The following SLC26A3 variants were observed in gnomAD, a reference collection of about 807,000 sequenced individuals.
SLC26A3 encodes chloride anion exchanger.
A neutral mutation model predicts 85.6 loss-of-function variants in SLC26A3; 64 were observed. The observed-to-expected ratio is 0.75, with a 90% CI of 0.61 to 0.92. SLC26A3 has a LOEUF of 0.92. Ranked by LOEUF, SLC26A3 falls within the 40% of genes least tolerant of loss-of-function variation. SLC26A3 has a pLI of 0.00. For synonymous variants in SLC26A3, 349 were observed against 336.0 expected (o/e 1.04, Z -0.42); for missense variants, 922 against 927.3 (o/e 0.99, Z 0.07).
intron 13 of SLC26A3, among the ~76,000 whole-genome samples, chr7:107,777,169 G>A (rs112457369): frequency 6.6e-6 from 1 of 152,196 alleles, no homozygotes; most frequent in Non-Finnish European, 1.5e-5. Flanking sequence ...CCATCAGTCA[G>A]GGATTGACTT....
In SLC26A3 at chr7:107,774,065, T is replaced by C; in HGVS notation, c.1862A>G (p.Asn621Ser). The part of the protein sequence containing the change: ...NQIEVLDQPI[N>S]TTDLPFHIDW... ...AATGTGGAAAGGCAGGTCTGTGGTA[T>C]TGATTGGCTGGTCCAGTACTTCTAT... Residue 621 changes from asparagine to serine, a missense_variant, in exon 17 of 21, where the codon AAT becomes AGT. By Grantham distance (46) the Asn-to-Ser change is conservative. Transcript: ENST00000340010. 1 of 1,614,180 alleles carries C rather than the reference T, an allele frequency of 6.2e-7. No individual in the cohort carries two copies. The highest frequency in any genetic ancestry group is 8.5e-7 in the Non-Finnish European group (1 of 1,180,026).
In SLC26A3 at chr7:107,765,651, A is replaced by T; in HGVS notation, c.*204T>A. ...AATTTTCACCCTTTGATAAAGCTAC[A>T]AGATATAAAATTTAGAATACTTATA... On this transcript the variant is annotated 3_prime_UTR_variant, in exon 21 of 21. Coordinates refer to ENST00000340010, the MANE Select transcript of SLC26A3 (RefSeq NM_000111.3). 1 of 525,840 alleles carries T rather than the reference A, an allele frequency of 1.9e-6. No individual in the cohort carries two copies. Among genetic ancestry groups the T allele is most frequent in the Non-Finnish European group, 3.4e-6 (1 of 295,674 alleles). The allele number at this position is 525,840 out of a possible 1,614,324, so 32.6% of individuals were successfully genotyped here.
intron 5 of SLC26A3, among the ~76,000 whole-genome samples, chr7:107,790,082 T>C (rs1373011569): frequency 6.6e-6 from 1 of 152,250 alleles, no homozygotes; most frequent in African/African-American, 2.4e-5. Flanking sequence ...ACTTTCTAGC[T>C]GCTGGAGCAC....
At chr7:107,787,942 G>A (rs575284397) in intron 6 of SLC26A3, among the ~76,000 whole-genome samples, 6 of 152,070 alleles carry the variant, frequency 3.9e-5, no homozygotes, top group Non-Finnish European at 7.4e-5. Flanking sequence ...GGCCCTCTTG[G>A]GGGGTTTACA....
At chr7:107,791,625 A>AAAATAAAT (rs3076033) in intron 4 of SLC26A3, among the ~76,000 whole-genome samples, 8 of 149,460 alleles carry the variant, frequency 5.4e-5, no homozygotes, top group African/African-American at 7.4e-5. Flanking sequence ...AAAATAAATA[A>AAAATAAAT]AAATAAATAA....
Position 107,791,830 on chromosome 7 carries a change from C to A in SLC26A3, c.382G>T (p.Gly128Cys). 6.3e-7 allele frequency: 1 copy of A among 1,590,744 alleles called. No individual in the cohort carries two copies. Among genetic ancestry groups the A allele is most frequent in the Non-Finnish European group, 8.6e-7 (1 of 1,159,018 alleles). Reference protein sequence around the residue: ...FFGTSRHISVGPFPILSMMVG... With the variant: ...FFGTSRHISVCPFPILSMMVG... ...TTAATCAGCTCAGTAACTGACTTAC[C>A]CACGGATATGTGTCTGGAAGTGCCG... Residue 128 changes from glycine (G) to cysteine (C), a missense_variant and splice_region_variant, in exon 4 of 21, where the codon GGT becomes TGT. Transcript: ENST00000340010.
intron 16 of SLC26A3, 23 bp from the exon 17 acceptor site, chr7:107,774,176 T>C (rs1273681183): frequency 6.4e-7 from 1 of 1,553,270 alleles, no homozygotes; most frequent in Admixed American, 1.7e-5. Context: ...ATAACAAGTA[T>C]GAAAACTGTG....
intron 20 of SLC26A3, among the ~76,000 whole-genome samples, chr7:107,767,092 A>G (rs762667397): frequency 3.9e-5 from 6 of 152,144 alleles, no homozygotes; most frequent in Non-Finnish European, 8.8e-5. Flanking sequence ...TCTCCAGTTA[A>G]ATGCTGAATT....
intron 18 of SLC26A3, among the ~76,000 whole-genome samples, chr7:107,769,364 C>T (rs1039690243): frequency 6.6e-5 from 10 of 151,796 alleles, no homozygotes; most frequent in African/African-American, 2.4e-4. Context: ...AAATGTGGTA[C>T]ATATACACCG....
chr7:107,773,555 T>G (rs530721879), intron 17 of SLC26A3, among the ~76,000 whole-genome samples: 1 of 152,034 alleles, frequency 6.6e-6, no homozygotes, highest in African/African-American at 2.4e-5. Flanking sequence ...ACAAATACAG[T>G]TTTTTTTGTT....
intron 1 of SLC26A3, among the ~76,000 whole-genome samples, chr7:107,801,122 G>C (rs1794592673): frequency 6.6e-6 from 1 of 152,182 alleles, no homozygotes; most frequent in South Asian, 2.1e-4. Flanking sequence ...ACTGTGGATG[G>C]AGGCAGACAA....
chr7:107,802,091 CAGA>C (rs1794609733), intron 1 of SLC26A3, among the ~76,000 whole-genome samples: 1 of 103,336 alleles, frequency 9.7e-6, no homozygotes, highest in Non-Finnish European at 1.9e-5. Context: ...GAATCCGTCT[CAGA>C]AAAAAAAAAA....
chr7:107,773,880 G>A (rs1431014987), intron 17 of SLC26A3, 40 bp downstream of exon 17: 1 of 1,506,490 alleles, frequency 6.6e-7, no homozygotes, highest in East Asian at 2.3e-5. Flanking sequence ...TTAACCTTTA[G>A]TCATTGATTG....
intron 5 of SLC26A3, 88 bp downstream of exon 5, chr7:107,790,960 G>T: frequency 7.4e-7 from 1 of 1,346,664 alleles, no homozygotes; most frequent in Non-Finnish European, 1.0e-6. Flanking sequence ...AGATGGGGAG[G>T]AGTGGCAGGG....
Position 107,791,164 on chromosome 7 carries a change from G to A in SLC26A3, c.454C>T (p.Arg152Cys), listed in dbSNP as rs776524702. ...GGCAATCCCAAAGTAGTTGCATTGC[G>A]ATCTGGGACTGCTTTTGAAACTGCT... The part of the protein sequence containing the change: ...SGAVSKAVPD[R>C]NATTLGLPNN... The change falls in exon 5 of 21, where the codon CGC becomes TGC. Residue 152 changes from arginine to cysteine, a missense_variant. By Grantham distance (180) the Arg-to-Cys change is radical (BLOSUM62 -3). Transcript: ENST00000340010. 1.2e-5 allele frequency: 19 copies of A among 1,614,012 alleles called. No individual in the cohort carries two copies. Among genetic ancestry groups the A allele is most frequent in the African/African-American group, 2.7e-5 (2 of 74,898 alleles).
intron 19 of SLC26A3, 41 bp from the exon 20 acceptor site, chr7:107,767,685 T>C: frequency 6.2e-7 from 1 of 1,606,914 alleles, no homozygotes; most frequent in Non-Finnish European, 8.5e-7. Flanking sequence ...GGGGCTGATT[T>C]TTTTTAATGT....
chr7:107,778,351 T>A, intron 12 of SLC26A3, 70 bp from the exon 13 acceptor site: 2 of 756,636 alleles, frequency 2.6e-6, no homozygotes, highest in South Asian at 3.3e-5. Flanking sequence ...ACGGGGTCTT[T>A]TAAAAAGACT....
intron 13 of SLC26A3, 159 bp from the exon 14 acceptor site, chr7:107,776,865 T>C (rs1426927013): frequency 1.4e-6 from 1 of 698,480 alleles, no homozygotes; most frequent in Non-Finnish European, 2.6e-6. Context: ...GGTGAACACC[T>C]TGTTTTACTT....
chr7:107,796,841 GA>G lies in SLC26A3; in HGVS notation c.-88-2245del, dbSNP rs796089766. Among the ~76,000 whole-genome samples, 1,057 of 143,696 alleles carry G rather than the reference GA, an allele frequency of 7.4e-3. 4 individuals carry two copies. The highest frequency in any genetic ancestry group is 0.019 in the African/African-American group (770 of 39,562). 94.3% of individuals were successfully genotyped at this position (143,696 alleles called of 152,430 possible). ...TTCTGTCAGATGCTGCTATGGCCAG[GA>G]AAAAAAAAAAAGATTCTGCTCTTTG... is the stretch of plus-strand genomic sequence containing the variant. On this transcript the variant is annotated intron_variant, in intron 1 of 20. Transcript: ENST00000340010.
Sources: gnomAD v4.1 joint callset for allele counts (sites outside exome capture counted in the v4.1 genomes callset) on GRCh38, gnomAD v4.1.1 for gene constraint, MANE v1.5 for transcripts, NCBI Gene and HGNC (gene_info 2026-07-23, HGNC 2026-07-21) for gene names.